Variants in ARHGAP15 observed in about 807,000 individuals in gnomAD.
The protein encoded by ARHGAP15 is rho GTPase-activating protein 15.
A neutral mutation model predicts 63.7 loss-of-function variants in ARHGAP15; 51 were observed. The observed-to-expected ratio is 0.80, with a 90% CI of 0.64 to 1.01. The LOEUF (loss-of-function observed/expected upper bound fraction) is 1.01. Ranked by LOEUF, ARHGAP15 falls within the 50% of genes least tolerant of loss-of-function variation. ARHGAP15 has a pLI of 0.00. For synonymous variants in ARHGAP15, 191 were observed against 193.8 expected (o/e 0.99, Z 0.12); for missense variants, 560 against 564.6 (o/e 0.99, Z 0.08).
chr2:143,444,355 T>G (rs1558975880), intron 8 of ARHGAP15, among the ~76,000 whole-genome samples: 1 of 152,234 alleles, frequency 6.6e-6, no homozygotes, highest in Non-Finnish European at 1.5e-5. Flanking sequence ...TCCATGACTT[T>G]AAAATGGGCG....
At chr2:143,760,142 G>A (rs921691433) in intron 13 of ARHGAP15, among the ~76,000 whole-genome samples, 2 of 152,050 alleles carry the variant, frequency 1.3e-5, no homozygotes, top group Non-Finnish European at 2.9e-5. Context: ...TAGTAAGTAC[G>A]CAATAGATTT....
intron 13 of ARHGAP15, among the ~76,000 whole-genome samples, chr2:143,740,626 T>C (rs1160894146): frequency 1.3e-5 from 2 of 152,264 alleles, no homozygotes; most frequent in South Asian, 4.1e-4. Flanking sequence ...ACAAGCGCAG[T>C]GTCAACGAGA....
chr2:143,231,810 T>C (rs1049293763), intron 5 of ARHGAP15, among the ~76,000 whole-genome samples: 1 of 152,206 alleles, frequency 6.6e-6, no homozygotes, highest in Non-Finnish European at 1.5e-5. Context: ...GAGGTCCTGC[T>C]TCCTCATTTG....
chr2:143,737,190 G>T (rs10496952), intron 13 of ARHGAP15, among the ~76,000 whole-genome samples: 41,802 of 152,160 alleles, frequency 0.27, 7,160 homozygotes, highest in Middle Eastern at 0.39. Flanking sequence ...TTACGGAGGA[G>T]ATAGAGAGCT....
At chr2:143,245,626 T>TC (rs1324432767) in intron 5 of ARHGAP15, among the ~76,000 whole-genome samples, 15 of 151,884 alleles carry the variant, frequency 9.9e-5, no homozygotes, top group African/African-American at 3.6e-4. Context: ...TTCTTCTTTT[T>TC]TTTTTTTAAA....
intron 6 of ARHGAP15, among the ~76,000 whole-genome samples, chr2:143,429,004 T>C (rs1270982009): frequency 6.6e-6 from 1 of 152,096 alleles, no homozygotes; most frequent in African/African-American, 2.4e-5. Context: ...AAAGTCTAAG[T>C]TGATATCTTT....
intron 10 of ARHGAP15, among the ~76,000 whole-genome samples, chr2:143,546,195 T>C (rs1218843285): frequency 6.6e-6 from 1 of 152,114 alleles, no homozygotes; most frequent in African/African-American, 2.4e-5. Context: ...AGCCAATGTT[T>C]AGAAAAAAAT....
intron 8 of ARHGAP15, among the ~76,000 whole-genome samples, chr2:143,466,150 T>G (rs1368039936): frequency 6.6e-6 from 1 of 152,012 alleles, no homozygotes; most frequent in Non-Finnish European, 1.5e-5. Flanking sequence ...GTAAAATTAG[T>G]CCAGAAGAGA....
intron 2 of ARHGAP15, among the ~76,000 whole-genome samples, chr2:143,200,011 G>A (rs535688918): frequency 3.3e-5 from 5 of 152,186 alleles, no homozygotes; most frequent in Admixed American, 2.0e-4. Context: ...CTTGGTACCT[G>A]GGAAAAACAA....
chr2:143,698,189 A>T (rs1444654769), intron 12 of ARHGAP15, among the ~76,000 whole-genome samples: 1 of 152,180 alleles, frequency 6.6e-6, no homozygotes, highest in Non-Finnish European at 1.5e-5. Flanking sequence ...ATGTGATTTA[A>T]CATGAAGCTA....
At chr2:143,756,129 G>A (rs752526699) in intron 13 of ARHGAP15, among the ~76,000 whole-genome samples, 4 of 152,202 alleles carry the variant, frequency 2.6e-5, no homozygotes, top group Admixed American at 6.5e-5. Context: ...TTATGTAGGC[G>A]CCCTCAATGA....
At chr2:143,508,030 A>AC (rs35485501) in intron 9 of ARHGAP15, among the ~76,000 whole-genome samples, 109 of 147,696 alleles carry the variant, frequency 7.4e-4, no homozygotes, top group Admixed American at 1.7e-3. Context: ...ATATCATGTC[A>AC]CCCCCCCCTC....
At chr2:143,218,450 C>A (rs984115509) in intron 4 of ARHGAP15, among the ~76,000 whole-genome samples, 2 of 151,786 alleles carry the variant, frequency 1.3e-5, no homozygotes, top group Non-Finnish European at 2.9e-5. Flanking sequence ...CCCTTGTAGA[C>A]CTTCATTTTA....
intron 6 of ARHGAP15, among the ~76,000 whole-genome samples, chr2:143,430,347 T>C (rs903480489): frequency 1.3e-5 from 2 of 152,032 alleles, no homozygotes; most frequent in African/African-American, 4.8e-5. Flanking sequence ...TATTTTAACT[T>C]TGCTCAACAT....
In ARHGAP15 at chr2:143,481,366, A is replaced by G. The variant is rs544294907; in HGVS notation, c.704-6007A>G. ...ATAATGACTCCACTTTCCTTTAGCA[A>G]CATTTCTGAAATGTTGGCTGTCCCA... is the stretch of plus-strand genomic sequence containing the variant. On this transcript the variant is annotated intron_variant, in intron 8 of 13. Transcript: ENST00000295095. Among the ~76,000 whole-genome samples, 146 of 152,284 alleles carry G rather than the reference A, an allele frequency of 9.6e-4. No homozygotes were observed. The Middle Eastern group carries it at 0.017, about 18-fold the overall frequency.
At chr2:143,344,626 G>T (rs1685191535) in intron 6 of ARHGAP15, among the ~76,000 whole-genome samples, 2 of 152,172 alleles carry the variant, frequency 1.3e-5, no homozygotes, top group South Asian at 4.1e-4. Context: ...TTTATACTAG[G>T]TTAGTAAATT....
At chr2:143,133,415 G>T (rs1351356969) in intron 1 of ARHGAP15, among the ~76,000 whole-genome samples, 1 of 152,144 alleles carries the variant, frequency 6.6e-6, no homozygotes, top group Non-Finnish European at 1.5e-5. Flanking sequence ...ATACGTAATT[G>T]GATGTCCACA....
At chr2:143,283,767 A>G (rs1039502529) in intron 6 of ARHGAP15, among the ~76,000 whole-genome samples, 1 of 152,084 alleles carries the variant, frequency 6.6e-6, no homozygotes, top group Admixed American at 6.6e-5. Flanking sequence ...TTTCTCTTCA[A>G]ACTTTGTCTT....
intron 3 of ARHGAP15, among the ~76,000 whole-genome samples, chr2:143,205,200 T>C (rs989401144): frequency 1.3e-5 from 2 of 149,848 alleles, no homozygotes; most frequent in Non-Finnish European, 3.0e-5. Context: ...GGCAGGAGAA[T>C]CACTTGAACA....
Sources: gnomAD v4.1 joint callset for allele counts (sites outside exome capture counted in the v4.1 genomes callset) on GRCh38, gnomAD v4.1.1 for gene constraint, MANE v1.5 for transcripts, NCBI Gene and HGNC (gene_info 2026-07-23, HGNC 2026-07-21) for gene names.